RBPJ: variants seen among roughly 807,000 people sequenced by gnomAD.
The protein encoded by RBPJ is recombination signal binding protein for immunoglobulin kappa J region, also known as recombining binding protein suppressor of hairless.
In RBPJ, 9 loss-of-function variants were observed where a neutral mutation model predicts 67.8. The observed-to-expected ratio is 0.13, with a 90% confidence interval of 0.08 to 0.23. RBPJ has a LOEUF of 0.23. Ranked by LOEUF, RBPJ falls within the 10% of genes least tolerant of loss-of-function variation. The pLI is 1.00. For synonymous variants in RBPJ, 198 were observed against 203.3 expected, an observed-to-expected ratio of 0.97 and a Z score of 0.22; for missense variants, 305 against 595.6, an observed-to-expected ratio of 0.51 and a Z score of 5.08.
At chr4:26,149,974 G>C in the RBPJ span, among the ~76,000 whole-genome samples, 1 of 152,180 alleles carries the variant, frequency 6.6e-6, no homozygotes, top group Non-Finnish European at 1.5e-5. Flanking sequence ...TGAGATTGCA[G>C]TTAGCATTTA....
chr4:26,309,525 C>T (rs750584379), intron 1 of RBPJ, among the ~76,000 whole-genome samples: 20 of 152,180 alleles, frequency 1.3e-4, no homozygotes, highest in Non-Finnish European at 2.9e-4. Flanking sequence ...GTTTCATATT[C>T]CCCTTTTGCA....
intron 1 of RBPJ, among the ~76,000 whole-genome samples, chr4:26,281,641 G>A (rs947092830): frequency 6.6e-6 from 1 of 152,154 alleles, no homozygotes; most frequent in Admixed American, 6.5e-5. Flanking sequence ...AATGTTTGGT[G>A]TTTGAAAAGA....
intron 1 of RBPJ, among the ~76,000 whole-genome samples, chr4:26,217,065 A>G (rs1032361454): frequency 2.6e-5 from 4 of 152,202 alleles, no homozygotes; most frequent in Non-Finnish European, 5.9e-5. Context: ...TAGGCAAAAC[A>G]TGGAGGTGGT....
At chr4:26,329,819 G>A (rs943797226) in intron 1 of RBPJ, among the ~76,000 whole-genome samples, 3 of 151,922 alleles carry the variant, frequency 2.0e-5, no homozygotes, top group Non-Finnish European at 2.9e-5. Flanking sequence ...GCATGAACCC[G>A]GGAGGCGGAG....
chr4:26,108,902 A>G, the RBPJ span, among the ~76,000 whole-genome samples: 1 of 152,114 alleles, frequency 6.6e-6, no homozygotes, highest in African/African-American at 2.4e-5. Flanking sequence ...GGGTGATTAT[A>G]TCTACCTCCT....
At chr4:26,195,104 C>T (rs924202115) in intron 1 of RBPJ, among the ~76,000 whole-genome samples, 104 of 152,170 alleles carry the variant, frequency 6.8e-4, no homozygotes, top group African/African-American at 2.4e-3. Context: ...GGCATGGTGG[C>T]TCATGTCTGT....
At chr4:26,327,154 G>A (rs577289625) in intron 1 of RBPJ, among the ~76,000 whole-genome samples, 5 of 152,226 alleles carry the variant, frequency 3.3e-5, no homozygotes, top group Non-Finnish European at 7.4e-5. Flanking sequence ...TGTTGCTTAT[G>A]CCTCATTAGA....
intron 1 of RBPJ, among the ~76,000 whole-genome samples, chr4:26,278,436 T>C (rs554313710): frequency 1.3e-5 from 2 of 152,310 alleles, no homozygotes; most frequent in East Asian, 1.9e-4. Flanking sequence ...AGAAAAAATA[T>C]GTAGTGTTTT....
At chr4:26,261,641 G>T (rs1720541947) in intron 1 of RBPJ, among the ~76,000 whole-genome samples, 1 of 152,234 alleles carries the variant, frequency 6.6e-6, no homozygotes, top group African/African-American at 2.4e-5. Context: ...GAGTCCAGAT[G>T]ATGCTTTTCT....
At chr4:26,209,098 A>ATATATAT (rs60595455) in intron 1 of RBPJ, among the ~76,000 whole-genome samples, 108 of 146,996 alleles carry the variant, frequency 7.3e-4, no homozygotes, top group African/African-American at 2.3e-3. Context: ...GAAGAAAAAA[A>ATATATAT]ATATATATAT....
intron 1 of RBPJ, among the ~76,000 whole-genome samples, chr4:26,278,607 T>G (rs1179052518): frequency 6.6e-6 from 1 of 152,248 alleles, no homozygotes; most frequent in Non-Finnish European, 1.5e-5. Context: ...TGAAATAGAC[T>G]AATCAATCCA....
chr4:26,383,165 T>G (rs1730491723), intron 1 of RBPJ, among the ~76,000 whole-genome samples: 1 of 152,214 alleles, frequency 6.6e-6, no homozygotes, highest in Admixed American at 6.5e-5. Flanking sequence ...ACATATTTTC[T>G]GTGGGGCAGG....
At chr4:26,216,551 A>T (rs1392503854) in intron 1 of RBPJ, among the ~76,000 whole-genome samples, 1 of 152,048 alleles carries the variant, frequency 6.6e-6, no homozygotes, top group Non-Finnish European at 1.5e-5. Context: ...CAGGTCACTG[A>T]GGGCTTCCTA....
chr4:26,415,702 A>G, intron 4 of RBPJ, 62 bp downstream of exon 4: 1 of 1,460,102 alleles, frequency 6.8e-7, no homozygotes, highest in South Asian at 1.3e-5. Context: ...TAGTTTTCAT[A>G]TTCATTTTTG....
intron 1 of RBPJ, among the ~76,000 whole-genome samples, chr4:26,182,336 C>T (rs376593607): frequency 2.6e-5 from 4 of 150,944 alleles, no homozygotes; most frequent in Admixed American, 6.6e-5. Context: ...AGCAAGACTC[C>T]GTCTCAAAAA....
intron 1 of RBPJ, among the ~76,000 whole-genome samples, chr4:26,219,914 C>T (rs11947981): frequency 0.036 from 5,526 of 151,442 alleles, 365 homozygotes; most frequent in African/African-American, 0.13. Flanking sequence ...TAGCTGGGAC[C>T]ACAGGCACCC....
chr4:26,345,701 C>G (rs933063678), intron 1 of RBPJ, among the ~76,000 whole-genome samples: 1 of 152,158 alleles, frequency 6.6e-6, no homozygotes, highest in Non-Finnish European at 1.5e-5. Context: ...CTCAGTTGTA[C>G]TCTCAGGGAT....
At chr4:26,337,025 G>A (rs1020221637) in intron 1 of RBPJ, among the ~76,000 whole-genome samples, 3 of 152,054 alleles carry the variant, frequency 2.0e-5, no homozygotes, top group Admixed American at 6.6e-5. Context: ...GCCCATGGGC[G>A]ATCTCTGCTC....
intron 1 of RBPJ, among the ~76,000 whole-genome samples, chr4:26,213,501 G>A (rs1436921914): frequency 6.6e-6 from 1 of 152,144 alleles, no homozygotes; most frequent in Admixed American, 6.6e-5. Flanking sequence ...AATGCCCTGA[G>A]GCAGCAGTGA....
Sources: allele counts gnomAD v4.1 joint callset (sites outside exome capture counted in the v4.1 genomes callset), GRCh38; gene constraint gnomAD v4.1.1; transcripts MANE v1.5; gene names NCBI Gene and HGNC (gene_info 2026-07-23, HGNC 2026-07-21).